Variants in PALM2AKAP2 observed in about 807,000 individuals in gnomAD.
The protein encoded by PALM2AKAP2 is PALM2-AKAP2 fusion protein.
PALM2AKAP2 carries 37 observed loss-of-function variants against 71.5 expected under a neutral mutation model. The ratio of observed to expected loss-of-function variants is 0.52; its 90% CI spans 0.40 to 0.68. The LOEUF is 0.68. PALM2AKAP2 is among the 30% of genes least tolerant of loss of function. The pLI is 0.00. For missense variants in PALM2AKAP2, 1,224 were observed against 1,191.8 expected (o/e 1.03, Z -0.40); for synonymous variants, 468 against 478.8 (o/e 0.98, Z 0.29).
At chr9:109,689,579 A>G (rs909368274) in intron 1 of PALM2AKAP2, among the ~76,000 whole-genome samples, 1 of 152,252 alleles carries the variant, frequency 6.6e-6, no homozygotes, top group African/African-American at 2.4e-5. Flanking sequence ...AGAACACAAT[A>G]AATAGCACTC....
intron 1 of PALM2AKAP2, among the ~76,000 whole-genome samples, chr9:109,864,333 GC>G (rs1233538638): frequency 6.6e-6 from 1 of 152,302 alleles, no homozygotes; most frequent in African/African-American, 2.4e-5. Flanking sequence ...ACCCCTTCCT[GC>G]ACCAGCGCTC....
intron 1 of PALM2AKAP2, chr9:109,862,808 G>A (rs1829347711): frequency 6.5e-6 from 3 of 463,166 alleles, no homozygotes; most frequent in South Asian, 4.6e-5. Context: ...TAGATGAATT[G>A]TTTTTTGTCA....
intron 1 of PALM2AKAP2, among the ~76,000 whole-genome samples, chr9:109,774,880 T>G (rs183397685): frequency 2.4e-4 from 36 of 152,290 alleles, no homozygotes; most frequent in African/African-American, 7.0e-4. Context: ...GTCTTCAGAG[T>G]TCCTGTCTTT....
At chr9:109,656,597 G>A (rs1827310715) in intron 1 of PALM2AKAP2, among the ~76,000 whole-genome samples, 1 of 152,152 alleles carries the variant, frequency 6.6e-6, no homozygotes. Context: ...GGGATTTTAA[G>A]CAGAGGAGTT....
At chr9:109,707,290 G>A (rs1828159741) in intron 1 of PALM2AKAP2, among the ~76,000 whole-genome samples, 1 of 152,070 alleles carries the variant, frequency 6.6e-6, no homozygotes, top group African/African-American at 2.4e-5. Context: ...CACCATTTAT[G>A]AGTCTTGGTG....
chr9:109,901,631 G>A (rs1830333520), intron 3 of PALM2AKAP2, among the ~76,000 whole-genome samples: 1 of 152,202 alleles, frequency 6.6e-6, no homozygotes, highest in African/African-American at 2.4e-5. Flanking sequence ...ATTTATCCCA[G>A]AGGCCACAGA....
At chr9:110,051,729 G>C (rs1833714571) in intron 1 of PALM2AKAP2, among the ~76,000 whole-genome samples, 1 of 152,170 alleles carries the variant, frequency 6.6e-6, no homozygotes, top group South Asian at 2.1e-4. Flanking sequence ...CAGTAGAATT[G>C]ATGCTGTATC....
intron 1 of PALM2AKAP2, among the ~76,000 whole-genome samples, chr9:109,748,281 G>A (rs893392069): frequency 3.3e-5 from 5 of 152,084 alleles, no homozygotes; most frequent in African/African-American, 1.2e-4. Context: ...TCTGGACTTG[G>A]TGAATTGGGC....
chr9:109,812,577 G>A (rs1357313726), intron 1 of PALM2AKAP2, among the ~76,000 whole-genome samples: 1 of 152,202 alleles, frequency 6.6e-6, no homozygotes, highest in Non-Finnish European at 1.5e-5. Flanking sequence ...GCAGATGGAA[G>A]GCCTAAATGC....
chr9:109,857,067 C>G (rs145439617), intron 1 of PALM2AKAP2, among the ~76,000 whole-genome samples: 5 of 152,184 alleles, frequency 3.3e-5, no homozygotes, highest in African/African-American at 7.2e-5. Context: ...TGTCCACCCC[C>G]GCTTCCTGCC....
intron 3 of PALM2AKAP2, among the ~76,000 whole-genome samples, chr9:109,888,235 G>A (rs931180654): frequency 2.6e-5 from 4 of 152,180 alleles, no homozygotes; most frequent in Non-Finnish European, 5.9e-5. Flanking sequence ...ACCAAACTTG[G>A]CTGGAGTCCT....
intron 1 of PALM2AKAP2, among the ~76,000 whole-genome samples, chr9:110,121,382 AG>A (rs1481219504): frequency 6.6e-6 from 1 of 152,182 alleles, no homozygotes; most frequent in Non-Finnish European, 1.5e-5. Flanking sequence ...TGGGCATGTG[AG>A]GAGGAAGGGC....
At position 109,642,974 on chromosome 9, in the gene PALM2AKAP2, T is replaced by C. The variant is rs535100240; in HGVS notation, c.5+2108T>C. Among the ~76,000 whole-genome samples the C allele has an allele frequency of 4.0e-5, 6 of 151,106 alleles. No homozygotes were observed. In the South Asian group the frequency reaches 1.3e-3, roughly 32 times the overall value. On this transcript the variant is annotated intron_variant, in intron 1 of 6. Transcript: ENST00000374531. ...AGGAGTTTGAGAATGCGCTGAGCTA[T>C]AATTGCACCACTGCACTGGGTGACA...
chr9:109,981,567 A>G (rs1488965615), intron 6 of PALM2AKAP2, among the ~76,000 whole-genome samples: 3 of 152,252 alleles, frequency 2.0e-5, no homozygotes, highest in Non-Finnish European at 4.4e-5. Context: ...GAATTAACAC[A>G]TAAATGTTGC....
chr9:109,868,271 C>T (rs1829511166), intron 2 of PALM2AKAP2, among the ~76,000 whole-genome samples: 1 of 152,136 alleles, frequency 6.6e-6, no homozygotes, highest in Non-Finnish European at 1.5e-5. Flanking sequence ...GATTACAGCT[C>T]AGGAGAAAGC....
intron 1 of PALM2AKAP2, among the ~76,000 whole-genome samples, chr9:109,675,030 G>C (rs556192435): frequency 6.6e-6 from 1 of 152,016 alleles, no homozygotes; most frequent in Non-Finnish European, 1.5e-5. Context: ...TATTCTTTGT[G>C]TTAGATGATT....
intron 1 of PALM2AKAP2, among the ~76,000 whole-genome samples, chr9:109,757,707 A>G (rs928520609): frequency 3.3e-5 from 5 of 152,082 alleles, no homozygotes; most frequent in African/African-American, 4.8e-5. Flanking sequence ...TCGACAGCTT[A>G]CTAGATCTTA....
At chr9:109,751,085 C>T (rs565820651) in intron 1 of PALM2AKAP2, among the ~76,000 whole-genome samples, 1 of 152,110 alleles carries the variant, frequency 6.6e-6, no homozygotes, top group South Asian at 2.1e-4. Context: ...CTGAATCCAG[C>T]CAGGCAACCC....
At chr9:109,822,150 G>A (rs531257499) in intron 1 of PALM2AKAP2, among the ~76,000 whole-genome samples, 9 of 152,328 alleles carry the variant, frequency 5.9e-5, no homozygotes, top group Middle Eastern at 3.4e-3. Flanking sequence ...TGTTATAAGG[G>A]CACAGGGGTG....
Sources: allele counts gnomAD v4.1 joint callset (sites outside exome capture counted in the v4.1 genomes callset), GRCh38; gene constraint gnomAD v4.1.1; transcripts MANE v1.5; gene names NCBI Gene and HGNC (gene_info 2026-07-23, HGNC 2026-07-21).